The following CPLANE1 variants were observed in gnomAD, a reference collection of about 807,000 sequenced individuals.
CPLANE1 encodes the protein ciliogenesis and planar polarity effector 1.
A neutral mutation model predicts 362.5 loss-of-function variants in CPLANE1; 263 were observed. The ratio of observed to expected loss-of-function variants is 0.73; its 90% CI spans 0.66 to 0.80. The LOEUF is 0.80. Among genes scored for constraint, CPLANE1 ranks in the 30% least tolerant of loss-of-function variants. The probability of loss-of-function intolerance (pLI) is 0.00; values close to 1 mark genes in which losing one functional copy is unlikely to be tolerated. For synonymous variants in CPLANE1, 1,212 were observed against 1,302.6 expected (o/e 0.93, Z 1.50); for missense variants, 3,461 against 3,793.4 (o/e 0.91, Z 2.30).
chr5:37,095,958 C>T, the CPLANE1 span, among the ~76,000 whole-genome samples: 1 of 152,154 alleles, frequency 6.6e-6, no homozygotes, highest in Non-Finnish European at 1.5e-5. Context: ...ACATCCCATG[C>T]TCATGGATGG....
the CPLANE1 span, chr5:37,085,224 A>T: frequency 1.2e-6 from 1 of 846,928 alleles, no homozygotes; most frequent in East Asian, 2.4e-5. Context: ...GTATGCCCTG[A>T]CAGGAGATGA....
intron 18 of CPLANE1, among the ~76,000 whole-genome samples, chr5:37,204,721 C>T (rs752819946): frequency 4.8e-5 from 7 of 145,464 alleles, no homozygotes; most frequent in African/African-American, 1.0e-4. Flanking sequence ...TGTAACACTG[C>T]GGCATCAAGA....
At chr5:37,089,281 G>T in the CPLANE1 span, among the ~76,000 whole-genome samples, 2 of 152,116 alleles carry the variant, frequency 1.3e-5, no homozygotes, top group Non-Finnish European at 2.9e-5. Flanking sequence ...TGATTCAGAA[G>T]GAAGAAAGGC....
chr5:37,169,103 TAC>T lies in CPLANE1; in HGVS notation c.6919_6920del (p.Val2307AsnfsTer6), dbSNP rs1779064793. ...TCACATGATTAGGAATTTCTGTAAT[TAC>T]AGTTTCTGCCCACGTCTTCTGCTCA... ...EVEQKTWAET[V>X]ITEIPNHVNL... On this transcript the variant is annotated frameshift_variant, in exon 34 of 53. Coordinates refer to ENST00000651892, the MANE Select transcript of CPLANE1 (RefSeq NM_001384732.1). LOFTEE classifies it high-confidence loss of function. The T allele has an allele frequency of 6.2e-7, 1 of 1,614,240 alleles. No homozygotes were observed. The highest frequency in any genetic ancestry group is 8.5e-7 in the Non-Finnish European group (1 of 1,180,052).
chr5:37,171,073 G>A (rs984194018), intron 32 of CPLANE1, among the ~76,000 whole-genome samples: 1 of 152,198 alleles, frequency 6.6e-6, no homozygotes, highest in African/African-American at 2.4e-5. Context: ...GACACCAGTT[G>A]TCCCCAAACT....
chr5:37,114,280 C>T (rs916388416), intron 51 of CPLANE1, among the ~76,000 whole-genome samples: 2 of 152,152 alleles, frequency 1.3e-5, no homozygotes, highest in African/African-American at 4.8e-5. Flanking sequence ...TACCTGTTAG[C>T]TACTATTGTT....
intron 19 of CPLANE1, among the ~76,000 whole-genome samples, chr5:37,199,725 C>T (rs1031919842): frequency 6.6e-6 from 1 of 152,236 alleles, no homozygotes; most frequent in Non-Finnish European, 1.5e-5. Flanking sequence ...TCTTCCCTGC[C>T]CACTTCTTAA....
intron 20 of CPLANE1, among the ~76,000 whole-genome samples, chr5:37,196,389 TA>T (rs1214229157): frequency 1.3e-5 from 2 of 152,090 alleles, no homozygotes; most frequent in African/African-American, 2.4e-5. Flanking sequence ...ACATAACTTT[TA>T]AAAAACTAAT....
At chr5:37,127,756 T>C (rs886086379) in intron 46 of CPLANE1, among the ~76,000 whole-genome samples, 2 of 152,198 alleles carry the variant, frequency 1.3e-5, no homozygotes, top group African/African-American at 2.4e-5. Context: ...CCTCAGGTGA[T>C]CCGCCCACCT....
chr5:37,121,754 T>A lies in CPLANE1; in HGVS notation c.9048A>T (p.Arg3016=), dbSNP rs1561315569. ...RLLLSEHYSR[R]ISQAYGLMNE... ...TCATCAGACCGTACGCTTGTGAGAT[T>A]CGACGACTATAGTGTTCAGAGAGCA... Residue 3016 remains arginine, a synonymous_variant, in exon 49 of 53, where the codon CGA becomes CGT. Coordinates refer to ENST00000651892, the MANE Select transcript of CPLANE1 (RefSeq NM_001384732.1). 1.2e-6 allele frequency: 2 copies of A among 1,614,102 alleles called. No homozygotes were observed. Among genetic ancestry groups the A allele is most frequent in the Non-Finnish European group, 1.7e-6 (2 of 1,179,930 alleles).
In CPLANE1 at chr5:37,183,172, T is replaced by C; in HGVS notation, c.5009A>G (p.Lys1670Arg). The C allele has an allele frequency of 6.2e-7, 1 of 1,612,126 alleles. No individual in the cohort carries two copies. The highest frequency in any genetic ancestry group is 8.5e-7 in the Non-Finnish European group (1 of 1,179,188). Residue 1670 changes from lysine (K) to arginine (R), a missense_variant, in exon 26 of 53, where the codon AAG (lysine) becomes AGG (arginine). This residue lies in a region of CPLANE1 where 3,380 missense variants were observed against 3,666.1 expected (regional missense o/e 0.92). Coordinates refer to ENST00000651892, the MANE Select transcript of CPLANE1 (RefSeq NM_001384732.1). Reference sequence around the variant, plus strand: ...AAATAATCCACTCATTCCTTCATTCTTATTGACTTCATTCGAAGGATATTG... The same window carrying C: ...AAATAATCCACTCATTCCTTCATTCCTATTGACTTCATTCGAAGGATATTG... ...FLQYPSNEVN[K>R]NEGMSGLFGL...
chr5:37,138,640 C>T, intron 46 of CPLANE1, 80 bp downstream of exon 46: 2 of 1,450,424 alleles, frequency 1.4e-6, no homozygotes, highest in South Asian at 2.5e-5. Context: ...ATAAAAATCA[C>T]ATTAAAATAT....
chr5:37,246,878 G>T (rs1739859871), intron 2 of CPLANE1, among the ~76,000 whole-genome samples: 1 of 152,122 alleles, frequency 6.6e-6, no homozygotes, highest in Admixed American at 6.6e-5. Context: ...ATTGCGTCCA[G>T]CCTGGGCAAC....
Position 37,121,698 on chromosome 5 carries a change from G to A in CPLANE1, c.9104C>T (p.Pro3035Leu). 1 of 1,613,610 alleles carries A rather than the reference G, an allele frequency of 6.2e-7. No individual in the cohort carries two copies. The highest frequency in any genetic ancestry group is 8.5e-7 in the Non-Finnish European group (1 of 1,179,510). The change falls in exon 49 of 53, where the codon CCA (proline) becomes CTA (leucine). Residue 3035 changes from proline to leucine, a missense_variant. Pro to Leu is a moderately conservative substitution (Grantham distance 98, BLOSUM62 -3). This residue lies in a region of CPLANE1 where 3,380 missense variants were observed against 3,666.1 expected (regional missense o/e 0.92). Transcript: ENST00000651892. ...NELLSESVQL[P>L]TLPQKPLPNK... ...AGGCAATGGTTTCTGTGGTAGAGTT[G>A]GTAGCTGTACTGACTCAGATAACAG...
chr5:37,121,225 G>C (rs933673760), intron 49 of CPLANE1, among the ~76,000 whole-genome samples: 1 of 152,182 alleles, frequency 6.6e-6, no homozygotes, highest in African/African-American at 2.4e-5. Flanking sequence ...TAGCAGAAAG[G>C]GAAGTGGTAA....
chr5:37,244,261 C>A, intron 5 of CPLANE1, 114 bp downstream of exon 5: 2 of 603,410 alleles, frequency 3.3e-6, no homozygotes, highest in Non-Finnish European at 5.3e-6. Flanking sequence ...ATATCTTTTC[C>A]ATACAAGAAT....
At chr5:37,125,586 A>T (rs894330266) in intron 46 of CPLANE1, 177 bp from the exon 47 acceptor site, 12 of 591,516 alleles carry the variant, frequency 2.0e-5, no homozygotes, top group Non-Finnish European at 3.2e-5. Flanking sequence ...CTGAAAATGG[A>T]CTCAGAAAGC....
chr5:37,228,075 C>T (rs1024838927), intron 9 of CPLANE1, among the ~76,000 whole-genome samples: 3 of 152,018 alleles, frequency 2.0e-5, no homozygotes, highest in African/African-American at 7.2e-5. Context: ...TACATACAAC[C>T]TATTTCAGAA....
Position 37,182,779 on chromosome 5 carries a change from G to C in CPLANE1, c.5402C>G (p.Ala1801Gly). The change falls in exon 26 of 53, where the codon GCA becomes GGA. Residue 1801 changes from alanine to glycine, a missense_variant. Around this residue, in one of 2 missense-constraint regions of CPLANE1, gnomAD observed 3,380 missense variants for 3,666.1 expected, o/e 0.92. Transcript: ENST00000651892. The stretch of plus-strand genomic sequence containing the variant: ...GCTTACCTTAATAATGGCATTTTTT[G>C]CCTTATATGTAGCAAAATAGGGTTG... Reference protein sequence around the residue: ...LEQPYFATYKAKNAIIKMVEN... With the variant: ...LEQPYFATYKGKNAIIKMVEN... 6.2e-7 allele frequency: 1 copy of C among 1,605,108 alleles called. No homozygotes were observed.
Sources: allele counts gnomAD v4.1 joint callset (sites outside exome capture counted in the v4.1 genomes callset), GRCh38; gene constraint gnomAD v4.1.1; regional missense constraint gnomAD v4.1.1; transcripts MANE v1.5; gene names NCBI Gene and HGNC (gene_info 2026-07-23, HGNC 2026-07-21).